NRIP1: variants seen among roughly 807,000 people sequenced by gnomAD.
NRIP1 encodes nuclear receptor interacting protein 1.
In NRIP1, 28 loss-of-function variants were observed where a neutral mutation model predicts 75.0. The observed-to-expected ratio is 0.37, with a 90% CI of 0.28 to 0.51. The LOEUF (loss-of-function observed/expected upper bound fraction) is 0.51. NRIP1 is among the 20% of genes least tolerant of loss of function. The pLI is 0.92. For synonymous variants in NRIP1, 526 were observed against 487.6 expected (o/e 1.08, Z -1.04); for missense variants, 1,435 against 1,343.7 (o/e 1.07, Z -1.06).
At chr21:15,059,558 A>AGAATGGAT (rs1224151555) in intron 1 of NRIP1, among the ~76,000 whole-genome samples, 1 of 151,990 alleles carries the variant, frequency 6.6e-6, no homozygotes, top group Non-Finnish European at 1.5e-5. Flanking sequence ...GGAGAGAGGG[A>AGAATGGAT]GAATGGATGA....
rs147096659 is a variant in NRIP1, at chr21:14,990,803, C to T, written c.-334-22277G>A. Reference sequence around the variant, plus strand: ...ATTAGATAAAGGGACCCTGATACAGCTAACTTCTATCATTTCTAGCATCAT... The same window carrying T: ...ATTAGATAAAGGGACCCTGATACAGTTAACTTCTATCATTTCTAGCATCAT... On this transcript the variant is annotated intron_variant, in intron 3 of 3. Coordinates refer to ENST00000318948, the MANE Select transcript of NRIP1 (RefSeq NM_003489.4). Among the ~76,000 whole-genome samples, 241 of 152,250 alleles carry T rather than the reference C, an allele frequency of 1.6e-3. 1 individual carries two copies. Among genetic ancestry groups the T allele is most frequent in the African/African-American group, 5.6e-3 (233 of 41,552 alleles).
chr21:15,005,550 G>C (rs2087947614), intron 3 of NRIP1, among the ~76,000 whole-genome samples: 1 of 152,210 alleles, frequency 6.6e-6, no homozygotes, highest in East Asian at 1.9e-4. Context: ...GATGCCTGCA[G>C]GCGCCCTTGT....
chr21:15,026,041 G>T (rs1438960080), intron 2 of NRIP1, among the ~76,000 whole-genome samples: 1 of 152,022 alleles, frequency 6.6e-6, no homozygotes, highest in African/African-American at 2.4e-5. Context: ...GTTTTGTTGT[G>T]GTTTCCAGGA....
chr21:15,045,755 C>A, intron 1 of NRIP1, among the ~76,000 whole-genome samples: 1 of 152,244 alleles, frequency 6.6e-6, no homozygotes, highest in Admixed American at 6.5e-5. Flanking sequence ...TCCTCTCAAA[C>A]CCTGCCACTG....
intron 3 of NRIP1, among the ~76,000 whole-genome samples, chr21:15,000,404 G>A (rs1303668993): frequency 1.3e-5 from 2 of 151,964 alleles, no homozygotes; most frequent in Non-Finnish European, 2.9e-5. Context: ...AAGCACTGTG[G>A]ATACTTTGGT....
At chr21:15,019,957 A>C (rs1223236054) in intron 2 of NRIP1, among the ~76,000 whole-genome samples, 1 of 152,158 alleles carries the variant, frequency 6.6e-6, no homozygotes, top group East Asian at 1.9e-4. Context: ...TGTGCACTCA[A>C]AACTACAAAA....
chr21:14,968,958 A>G (rs1222814834), intron 3 of NRIP1, among the ~76,000 whole-genome samples: 1 of 152,222 alleles, frequency 6.6e-6, no homozygotes, highest in Non-Finnish European at 1.5e-5. Flanking sequence ...ATGTGCAGAA[A>G]AAGGAAAAGA....
rs547164328 is a variant in NRIP1, at chr21:14,979,155, G to GTTA, written c.-334-10630_-334-10629insTAA. ...TTATTTTGGCAGCACATAAGTATAA[G>GTTA]AAAAGAGTGTAAATACAAAATTAAC... On this transcript the variant is annotated intron_variant, in intron 3 of 3. Transcript: ENST00000318948. Among the ~76,000 whole-genome samples the GTTA allele has an allele frequency of 2.0e-4, 30 of 152,236 alleles. 1 individual carries two copies. In the East Asian group the frequency reaches 5.6e-3, roughly 28 times the overall value.
At chr21:15,063,511 C>G (rs985264624) in intron 1 of NRIP1, among the ~76,000 whole-genome samples, 4 of 152,222 alleles carry the variant, frequency 2.6e-5, no homozygotes, top group African/African-American at 9.6e-5. Context: ...CAATGCAATT[C>G]ATAACTTTAA....
At chr21:15,065,119 A>T (rs1055075556), upstream of NRIP1, 1 of 152,464 alleles carries the variant, frequency 6.6e-6, no homozygotes, top group Admixed American at 6.5e-5. Context: ...TCAGCTCTTC[A>T]GCCAAGTTTC....
intron 1 of NRIP1, chr21:15,051,436 C>T (rs2089200522): frequency 1.3e-5 from 2 of 153,762 alleles, no homozygotes. Context: ...TCAGATAACA[C>T]TCAGAAAAGA....
At chr21:14,994,313 C>T (rs371439686) in intron 3 of NRIP1, among the ~76,000 whole-genome samples, 9 of 152,210 alleles carry the variant, frequency 5.9e-5, no homozygotes, top group African/African-American at 1.4e-4. Context: ...TTAGTAGAGA[C>T]GAGGTTTCGC....
intron 2 of NRIP1, among the ~76,000 whole-genome samples, chr21:15,019,726 G>C (rs2147201289): frequency 6.6e-6 from 1 of 151,934 alleles, no homozygotes; most frequent in Middle Eastern, 3.4e-3. Flanking sequence ...GACCTCAGGT[G>C]ATCCACCCAC....
At chr21:14,990,319 A>G (rs775891465) in intron 3 of NRIP1, among the ~76,000 whole-genome samples, 5 of 152,052 alleles carry the variant, frequency 3.3e-5, no homozygotes, top group South Asian at 4.1e-4. Flanking sequence ...GCATTCAGAT[A>G]CTGATATAAT....
rs144395380 is a variant in NRIP1 at position 14,968,775 on chromosome 21, A to G, written c.-334-249T>C. On this transcript the variant is annotated intron_variant, in intron 3 of 3. Coordinates refer to ENST00000318948, the MANE Select transcript of NRIP1 (RefSeq NM_003489.4). ...TGATCAAATCATTAGAGAAGAGAAC[A>G]TACTTTAATGTTACATAGCCATCTT... is the stretch of plus-strand genomic sequence containing the variant. Among the ~76,000 whole-genome samples the G allele has an allele frequency of 7.9e-5, 12 of 152,300 alleles. No individual in the cohort carries two copies. The East Asian group carries it at 1.3e-3, about 17-fold the overall frequency.
At chr21:14,974,678 A>G (rs1180810606) in intron 3 of NRIP1, among the ~76,000 whole-genome samples, 1 of 152,226 alleles carries the variant, frequency 6.6e-6, no homozygotes, top group Non-Finnish European at 1.5e-5. Context: ...TTTGCCACAA[A>G]ACACTTGAGT....
At chr21:14,999,754 T>C (rs1264519360) in intron 3 of NRIP1, among the ~76,000 whole-genome samples, 3 of 152,194 alleles carry the variant, frequency 2.0e-5, no homozygotes, top group Admixed American at 6.5e-5. Flanking sequence ...CAAGTAACAC[T>C]GCATGCTCAT....
intron 3 of NRIP1, among the ~76,000 whole-genome samples, chr21:15,000,589 T>C (rs1004009439): frequency 1.3e-5 from 2 of 152,196 alleles, no homozygotes; most frequent in Non-Finnish European, 2.9e-5. Flanking sequence ...TTTGAGAAAG[T>C]GAAAGATTCT....
intron 3 of NRIP1, among the ~76,000 whole-genome samples, chr21:15,005,519 C>G (rs2087946595): frequency 6.6e-6 from 1 of 152,148 alleles, no homozygotes; most frequent in Admixed American, 6.5e-5. Context: ...TGAGCTGCAT[C>G]AGCAGCACAG....
Sources: allele counts gnomAD v4.1 joint callset (sites outside exome capture counted in the v4.1 genomes callset), GRCh38; gene constraint gnomAD v4.1.1; transcripts MANE v1.5; gene names NCBI Gene and HGNC (gene_info 2026-07-23, HGNC 2026-07-21).